CYFIP2: variants seen among roughly 807,000 people sequenced by gnomAD.
The protein encoded by CYFIP2 is cytoplasmic FMR1-interacting protein 2.
CYFIP2 carries 29 observed loss-of-function variants against 158.7 expected under a neutral mutation model. The observed-to-expected ratio is 0.18, with a 90% CI of 0.14 to 0.25. The LOEUF (loss-of-function observed/expected upper bound fraction) is 0.25. Ranked by LOEUF, CYFIP2 falls within the 10% of genes least tolerant of loss-of-function variation. The pLI is 1.00. For missense variants in CYFIP2, 852 were observed against 1,639.5 expected, an observed-to-expected ratio of 0.52 and a Z score of 8.29; for synonymous variants, 585 against 617.6, an observed-to-expected ratio of 0.95 and a Z score of 0.78.
At position 157,311,634 on chromosome 5, in the gene CYFIP2, C is replaced by G. The variant is rs752158612; in HGVS notation, c.993-30C>G. The G allele has an allele frequency of 6.4e-7, 1 of 1,567,212 alleles. No homozygotes were observed. The highest frequency in any genetic ancestry group is 1.9e-5 in the Admixed American group (1 of 53,264). On this transcript the variant is annotated intron_variant, in intron 10 of 30. Coordinates refer to ENST00000620254, the MANE Select transcript of CYFIP2 (RefSeq NM_001037333.3). This position sits in a 1 kb window ranked among gnomAD's most constrained non-coding sequence, Gnocchi z 4.7. ...TCCACCCAGGCGCCTGAGGCTGGGA[C>G]CCTCTCCGACCCCATAATTTTCTAC...
chr5:157,369,963 C>T (rs986907934), intron 26 of CYFIP2, among the ~76,000 whole-genome samples: 4 of 150,802 alleles, frequency 2.7e-5, no homozygotes, highest in East Asian at 1.9e-4. Flanking sequence ...CTCACTGCAA[C>T]CTCCACTTCC....
chr5:157,364,734 G>A (rs964538422), intron 26 of CYFIP2: 1 of 152,068 alleles, frequency 6.6e-6, no homozygotes, highest in Non-Finnish European at 1.5e-5. Context: ...TTAGAATGAG[G>A]CATGAGCTTT....
chr5:157,379,843 A>G (rs1765876199), intron 26 of CYFIP2, among the ~76,000 whole-genome samples: 1 of 152,106 alleles, frequency 6.6e-6, no homozygotes, highest in Non-Finnish European at 1.5e-5. Flanking sequence ...AGACAGGGGA[A>G]TTGCAAGGGA....
intron 15 of CYFIP2, among the ~76,000 whole-genome samples, chr5:157,321,831 C>T (rs959428068): frequency 5.9e-5 from 9 of 152,292 alleles, no homozygotes; most frequent in South Asian, 2.1e-4. Context: ...CCAATCTCAC[C>T]GGCTGGTTGT....
intron 24 of CYFIP2, among the ~76,000 whole-genome samples, chr5:157,359,647 C>A (rs953084886): frequency 6.6e-6 from 1 of 152,242 alleles, no homozygotes; most frequent in African/African-American, 2.4e-5. Context: ...CCCTTTACCA[C>A]TATTCTGAAT....
At chr5:157,312,814 G>A (rs184961622) in intron 11 of CYFIP2, among the ~76,000 whole-genome samples, 9 of 152,322 alleles carry the variant, frequency 5.9e-5, no homozygotes, top group East Asian at 5.8e-4. Context: ...GTACCAATCC[G>A]TTGAACTGAA....
intron 28 of CYFIP2, 60 bp downstream of exon 28, chr5:157,383,419 C>T (rs1766327081): frequency 2.0e-6 from 3 of 1,469,470 alleles, no homozygotes; most frequent in Non-Finnish European, 2.8e-6. Context: ...GAGCATTTGA[C>T]CAAACCCCCT....
chr5:157,322,628 C>A (rs562415315), intron 15 of CYFIP2, among the ~76,000 whole-genome samples: 1 of 152,298 alleles, frequency 6.6e-6, no homozygotes, highest in Admixed American at 6.5e-5. Flanking sequence ...CACTGACGGC[C>A]ACTGTGGCTG....
intron 13 of CYFIP2, among the ~76,000 whole-genome samples, chr5:157,316,729 C>T (rs1301645719): frequency 6.6e-6 from 1 of 152,172 alleles, no homozygotes; most frequent in Non-Finnish European, 1.5e-5. Flanking sequence ...GCTAATCAAC[C>T]TTCCCCTGCC....
chr5:157,314,826 TTACAAG>T, intron 12 of CYFIP2, 137 bp from the exon 13 acceptor site: 1 of 712,772 alleles, frequency 1.4e-6, no homozygotes, highest in Non-Finnish European at 2.3e-6. Context: ...TTTTGCATAC[TTACAAG>T]GTTTTTCATG....
chr5:157,361,323 C>T lies in CYFIP2; in HGVS notation c.2909-145C>T, dbSNP rs1365995737. ...GTACTGAGCCCTGAAAGAAATCTCA[C>T]TCTGGGCCTGCAGGTAAGAGGGATG... On this transcript the variant is annotated intron_variant, in intron 25 of 30. Coordinates refer to ENST00000620254, the MANE Select transcript of CYFIP2 (RefSeq NM_001037333.3). This position sits in a 1 kb window ranked among gnomAD's most constrained non-coding sequence, Gnocchi z 4.4. 1 of 980,352 alleles carries T rather than the reference C, an allele frequency of 1.0e-6. No individual in the cohort carries two copies. Among genetic ancestry groups the T allele is most frequent in the African/African-American group, 1.6e-5 (1 of 61,600 alleles). 60.7% of individuals were successfully genotyped at this position (980,352 alleles called of 1,614,324 possible).
chr5:157,310,971 GTTCA>G, intron 10 of CYFIP2: 1 of 455,938 alleles, frequency 2.2e-6, no homozygotes, highest in Non-Finnish European at 4.4e-6. Flanking sequence ...GAGTGAAGAT[GTTCA>G]TTCATTCATT....
In CYFIP2 at chr5:157,320,694, G is replaced by A. The variant is rs1173321756; in HGVS notation, c.1563G>A (p.Glu521=). Residue 521 remains glutamate, a synonymous_variant, in exon 15 of 31, where the codon GAG becomes GAA. Coordinates refer to ENST00000620254, the MANE Select transcript of CYFIP2 (RefSeq NM_001037333.3). The stretch of plus-strand genomic sequence containing the variant: ...TTCGAAAGACCATCTGTGACTGGGA[G>A]GGAGGGCGAGAGCCCCCTAATGACC... The part of the protein sequence containing the change: ...QAIRKTICDW[E]GGREPPNDPC... 6.2e-7 allele frequency: 1 copy of A among 1,613,950 alleles called. No individual in the cohort carries two copies. Among genetic ancestry groups the A allele is most frequent in the East Asian group, 2.2e-5 (1 of 44,872 alleles).
chr5:157,306,632 G>A (rs1405106527), intron 8 of CYFIP2, among the ~76,000 whole-genome samples: 1 of 152,164 alleles, frequency 6.6e-6, no homozygotes, highest in Non-Finnish European at 1.5e-5. Context: ...TGTAATCCTA[G>A]CGCTTTGGGA....
rs78968201 is a variant in CYFIP2 at position 157,300,044 on chromosome 5, C to G, written c.388-671C>G. 1.6e-3 allele frequency among the ~76,000 whole-genome samples: 239 copies of G among 152,326 alleles called. 2 individuals are homozygous for G. In the East Asian group the frequency reaches 0.033, roughly 21 times the overall value. ...CACATAGTAGATGGCTATTAAATAG[C>G]TACTGGATGAATGAGCCTCTTTTCC... On this transcript the variant is annotated intron_variant, in intron 5 of 30. Transcript: ENST00000620254.
intron 26 of CYFIP2, among the ~76,000 whole-genome samples, chr5:157,378,105 G>A (rs1045953393): frequency 6.6e-6 from 1 of 152,214 alleles, no homozygotes; most frequent in Non-Finnish European, 1.5e-5. Flanking sequence ...AACTTTGGGT[G>A]GGGGTAAGAG....
intron 10 of CYFIP2, 51 bp downstream of exon 10, chr5:157,309,885 G>T (rs1759563354): frequency 1.3e-6 from 2 of 1,531,104 alleles, no homozygotes; most frequent in East Asian, 4.9e-5. Flanking sequence ...GCCCAGCCCG[G>T]GCAGAGAGCC....
At chr5:157,277,565 A>C (rs371222778) in intron 1 of CYFIP2, among the ~76,000 whole-genome samples, 3 of 152,180 alleles carry the variant, frequency 2.0e-5, no homozygotes, top group East Asian at 3.8e-4. Context: ...AGGTCTCTGC[A>C]TTTTCAGTGA....
chr5:157,297,996 A>T (rs1758392508), intron 5 of CYFIP2, among the ~76,000 whole-genome samples: 1 of 152,222 alleles, frequency 6.6e-6, no homozygotes, highest in African/African-American at 2.4e-5. Flanking sequence ...GGCAGGAGAA[A>T]GTGTGACTTA....
Sources: gnomAD v4.1 joint callset for allele counts (sites outside exome capture counted in the v4.1 genomes callset) on GRCh38, gnomAD v4.1.1 for gene constraint, Gnocchi (gnomAD v3.1) non-coding constraint, MANE v1.5 for transcripts, NCBI Gene and HGNC (gene_info 2026-07-23, HGNC 2026-07-21) for gene names.